Variants in LINGO2 observed in about 807,000 individuals in gnomAD.
LINGO2 encodes leucine-rich repeat and immunoglobulin-like domain-containing nogo receptor-interacting protein 2.
In LINGO2, 14 loss-of-function variants were observed where a neutral mutation model predicts 30.6. That is an observed-to-expected ratio of 0.46 (90% CI 0.30 to 0.72). The LOEUF is 0.72. LINGO2 is among the 30% of genes least tolerant of loss of function. The pLI is 0.07. For synonymous variants in LINGO2, 317 were observed against 288.5 expected (o/e 1.10, Z -1.00); for missense variants, 729 against 751.7 (o/e 0.97, Z 0.35).
chr9:28,432,707 T>C (rs1173891642), intron 2 of LINGO2, among the ~76,000 whole-genome samples: 2 of 152,282 alleles, frequency 1.3e-5, no homozygotes, highest in East Asian at 1.9e-4. Context: ...TAATCATGAA[T>C]GCAGAATAGA....
At chr9:28,526,989 A>T (rs1159279929) in intron 1 of LINGO2, among the ~76,000 whole-genome samples, 1 of 152,204 alleles carries the variant, frequency 6.6e-6, no homozygotes, top group Non-Finnish European at 1.5e-5. Flanking sequence ...ATTAAATATT[A>T]CATTATTATA....
rs138716290 is a variant in LINGO2 at position 28,233,488 on chromosome 9, ACATGCAAAAG to A, written c.-87+61710_-87+61719del. Among the ~76,000 whole-genome samples, 1,338 of 152,266 alleles carry A rather than the reference ACATGCAAAAG, an allele frequency of 8.8e-3. 24 individuals carry two copies. Among genetic ancestry groups the A allele is most frequent in the African/African-American group, 0.03 (1,261 of 41,546 alleles). The stretch of plus-strand genomic sequence containing the variant: ...TTATGAGCAGTCATTTAATTTGAAC[ACATGCAAAAG>A]CCTGACTTGATTAAGAAGGAAAAAT... On this transcript the variant is annotated intron_variant, in intron 4 of 5. Transcript: ENST00000379992.
chr9:28,185,773 A>T (rs1053346346), intron 4 of LINGO2, among the ~76,000 whole-genome samples: 49 of 152,156 alleles, frequency 3.2e-4, no homozygotes, highest in Non-Finnish European at 6.5e-4. Flanking sequence ...ATATGGAAAA[A>T]TTTTTAAAAA....
intron 1 of LINGO2, among the ~76,000 whole-genome samples, chr9:28,533,360 C>T (rs2135435427): frequency 6.6e-6 from 1 of 152,214 alleles, no homozygotes; most frequent in Non-Finnish European, 1.5e-5. Context: ...CTTCCTGATT[C>T]TTCAGCTTGC....
chr9:29,132,817 T>A, the LINGO2 span, among the ~76,000 whole-genome samples: 1 of 151,970 alleles, frequency 6.6e-6, no homozygotes, highest in African/African-American at 2.4e-5. Context: ...GCCCTACACA[T>A]AGAATTTCAA....
the LINGO2 span, among the ~76,000 whole-genome samples, chr9:28,867,158 T>C: frequency 6.6e-6 from 1 of 152,142 alleles, no homozygotes; most frequent in Non-Finnish European, 1.5e-5. Context: ...CAAATGCTGC[T>C]GGTAAACTGA....
In LINGO2 at chr9:28,072,606, G is replaced by T. The variant is rs77633282; in HGVS notation, c.-86-60201C>A. Reference sequence around the variant, plus strand: ...CAAAATATTCCATTTCCTGACTTTAGCTTTTAAACAATAGCCACTCGGTAA... The same window carrying T: ...CAAAATATTCCATTTCCTGACTTTATCTTTTAAACAATAGCCACTCGGTAA... On this transcript the variant is annotated intron_variant, in intron 4 of 5. Transcript: ENST00000379992. 1.1e-3 allele frequency among the ~76,000 whole-genome samples: 171 copies of T among 152,240 alleles called. 5 individuals carry two copies. The East Asian group carries it at 0.027, about 24-fold the overall frequency.
rs1554637723 is a variant in LINGO2 at position 28,561,749 on chromosome 9, GTATATATATA to G, written c.-364-85734_-364-85725del. On this transcript the variant is annotated intron_variant, in intron 1 of 5. Coordinates refer to ENST00000379992, the Ensembl canonical transcript of LINGO2. ...TATATATAATTTTGTGTGTGTGTGT[GTATATATATA>G]TATATATATATATATATATATAAAA... Among the ~76,000 whole-genome samples, 2 of 48,718 alleles carry G rather than the reference GTATATATATA, an allele frequency of 4.1e-5. 1 individual carries two copies. The highest frequency in any genetic ancestry group is 7.2e-5 in the Non-Finnish European group (2 of 27,672). The allele number at this position is 48,718 out of a possible 152,430, so 32.0% of individuals were successfully genotyped here.
intron 4 of LINGO2, among the ~76,000 whole-genome samples, chr9:28,059,369 G>A (rs957357370): frequency 6.6e-5 from 10 of 151,850 alleles, no homozygotes; most frequent in Non-Finnish European, 7.4e-5. Flanking sequence ...CCACCCCACC[G>A]GGTCCCAGCT....
the LINGO2 span, among the ~76,000 whole-genome samples, chr9:28,735,655 T>G: frequency 1.3e-5 from 2 of 152,126 alleles, no homozygotes; most frequent in African/African-American, 4.8e-5. Flanking sequence ...TCTTGAAAAC[T>G]CTTTAAAAAG....
At chr9:29,164,882 T>C in the LINGO2 span, among the ~76,000 whole-genome samples, 1 of 152,286 alleles carries the variant, frequency 6.6e-6, no homozygotes, top group South Asian at 2.1e-4. Flanking sequence ...ACTGATCTAT[T>C]AACTATATAA....
At chr9:27,951,016 G>A (rs1819281366) in intron 5 of LINGO2, among the ~76,000 whole-genome samples, 2 of 152,128 alleles carry the variant, frequency 1.3e-5, no homozygotes. Flanking sequence ...CAGACTGTGA[G>A]ACAACACAGT....
At chr9:29,085,228 A>G in the LINGO2 span, among the ~76,000 whole-genome samples, 1 of 144,366 alleles carries the variant, frequency 6.9e-6, no homozygotes, top group African/African-American at 2.5e-5. Context: ...AGGTTGTAGA[A>G]AGTCCCTATC....
chr9:28,561,781 A>AT (rs1491164807), intron 1 of LINGO2, among the ~76,000 whole-genome samples: 1,128 of 102,152 alleles, frequency 0.011, 174 homozygotes, highest in African/African-American at 0.037. Context: ...ATATATATAT[A>AT]AAAAATATGC....
At chr9:28,638,563 G>A (rs13298616) in intron 1 of LINGO2, among the ~76,000 whole-genome samples, 14,293 of 152,108 alleles carry the variant, frequency 0.094, 878 homozygotes, top group East Asian at 0.2. Flanking sequence ...GGTATGTGTC[G>A]AGGAATTTAC....
At chr9:28,673,393 G>A (rs1316658808), upstream of LINGO2, among the ~76,000 whole-genome samples, 1 of 152,132 alleles carries the variant, frequency 6.6e-6, no homozygotes, top group Non-Finnish European at 1.5e-5. Flanking sequence ...CAGGCCAGGT[G>A]TGGTGGCTCA....
In LINGO2 at chr9:28,602,789, T is replaced by C. The variant is rs551023189; in HGVS notation, c.-365+67411A>G. ...CTCCATACAGAAGGCTGAATGACAA[T>C]TTAAAAACAAGCCCTAATCCCTAGT... On this transcript the variant is annotated intron_variant, in intron 1 of 5. Coordinates refer to ENST00000379992, the Ensembl canonical transcript of LINGO2. 6.6e-5 allele frequency among the ~76,000 whole-genome samples: 10 copies of C among 152,198 alleles called. No homozygotes were observed. The South Asian group carries it at 2.1e-3, about 31-fold the overall frequency.
At chr9:27,950,516 T>C in exon 6 of LINGO2, 1 of 1,583,226 alleles carries the variant, frequency 6.3e-7, no homozygotes, top group Admixed American at 1.8e-5. Flanking sequence ...GAATGCCCTC[T>C]GGGATGGCGA....
At chr9:28,205,405 C>T (rs1267162213) in intron 4 of LINGO2, among the ~76,000 whole-genome samples, 3 of 152,120 alleles carry the variant, frequency 2.0e-5, no homozygotes, top group South Asian at 2.1e-4. Context: ...ATGCCTTCCC[C>T]GATCTATCCC....
Sources: allele counts gnomAD v4.1 joint callset (sites outside exome capture counted in the v4.1 genomes callset), GRCh38; gene constraint gnomAD v4.1.1; transcripts MANE v1.5; gene names NCBI Gene and HGNC (gene_info 2026-07-23, HGNC 2026-07-21).